The following TOP1 variants were observed in gnomAD, a reference collection of about 807,000 sequenced individuals.
The protein encoded by TOP1 is DNA topoisomerase 1.
Under a neutral mutation model 111.1 loss-of-function variants are expected in TOP1, and 10 were observed. The observed-to-expected ratio is 0.09, with a 90% confidence interval of 0.06 to 0.15. The LOEUF (loss-of-function observed/expected upper bound fraction) is 0.15. Ranked by LOEUF, TOP1 falls within the 10% of genes least tolerant of loss-of-function variation. The pLI is 1.00. For synonymous variants in TOP1, 271 were observed against 302.9 expected (o/e 0.89, Z 1.10); for missense variants, 474 against 926.7 (o/e 0.51, Z 6.34).
intron 2 of TOP1, among the ~76,000 whole-genome samples, chr20:41,053,556 A>G (rs532747408): frequency 1.3e-5 from 2 of 152,328 alleles, no homozygotes; most frequent in African/African-American, 4.8e-5. Context: ...AAATCTTGCT[A>G]TCATGTAAGA....
In TOP1 at chr20:41,032,908, T is replaced by C. The variant is rs2033138572; in HGVS notation, c.58+3453T>C. ...CATTTTTAAAACTGAAAAGTGATGGTACCGCCAAATGAAATCTGCAGCATC... is the reference window on the plus strand; with the variant it reads ...CATTTTTAAAACTGAAAAGTGATGGCACCGCCAAATGAAATCTGCAGCATC... On this transcript the variant is annotated intron_variant, in intron 2 of 20. Transcript: ENST00000361337. The surrounding 1 kb of genome is among the most constrained non-coding windows in gnomAD (Gnocchi z 4.3). Among the ~76,000 whole-genome samples, 1 of 152,202 alleles carries C rather than the reference T, an allele frequency of 6.6e-6. No individual in the cohort carries two copies.
At position 41,046,929 on chromosome 20, in the gene TOP1, G is replaced by A. The variant is rs1314274169; in HGVS notation, c.59-14465G>A. Reference sequence around the variant, plus strand: ...CATGTGACTCACTTAGTTTTGCAGAGTGAGGTAGATTTTAACCACTTTCAA... The same window carrying A: ...CATGTGACTCACTTAGTTTTGCAGAATGAGGTAGATTTTAACCACTTTCAA... On this transcript the variant is annotated intron_variant, in intron 2 of 20. Coordinates refer to ENST00000361337, the MANE Select transcript of TOP1 (RefSeq NM_003286.4). This position sits in a 1 kb window ranked among gnomAD's most constrained non-coding sequence, Gnocchi z 4.3. Among the ~76,000 whole-genome samples, 2 of 152,224 alleles carry A rather than the reference G, an allele frequency of 1.3e-5. No homozygotes were observed. Among genetic ancestry groups the A allele is most frequent in the Non-Finnish European group, 2.9e-5 (2 of 68,046 alleles).
rs1466502074 is a variant in TOP1, at chr20:41,095,675, GAGATA to G, written c.731-1540_731-1536del. Among the ~76,000 whole-genome samples, 2 of 152,196 alleles carry G rather than the reference GAGATA, an allele frequency of 1.3e-5. No homozygotes were observed. The highest frequency in any genetic ancestry group is 2.9e-5 in the Non-Finnish European group (2 of 68,028). On this transcript the variant is annotated intron_variant, in intron 9 of 20. Transcript: ENST00000361337. The surrounding 1 kb of genome is among the most constrained non-coding windows in gnomAD (Gnocchi z 4.6). ...GCAAAGTCAGATTGCATATCATTATGAGATAAGATGTCTTCTGAGTTTTGAAATAA... is the reference window on the plus strand; with the variant it reads ...GCAAAGTCAGATTGCATATCATTATGAGATGTCTTCTGAGTTTTGAAATAA...
Position 41,089,473 on chromosome 20 carries a change from G to T in TOP1, c.615-2999G>T, listed in dbSNP as rs190519357. Among the ~76,000 whole-genome samples the T allele has an allele frequency of 4.3e-3, 660 of 152,302 alleles. 4 individuals carry two copies. Among genetic ancestry groups the T allele is most frequent in the Non-Finnish European group, 8.3e-3 (563 of 68,026 alleles). ...CAGAATGTCAACGCTCGTCCATATT[G>T]TAGCATGTTTCAGAATTTTCTGACT... On this transcript the variant is annotated intron_variant, in intron 8 of 20. Transcript: ENST00000361337.
Position 41,114,622 on chromosome 20 carries a change from T to G in TOP1, c.1638+467T>G, listed in dbSNP as rs1420339169. 6.6e-6 allele frequency among the ~76,000 whole-genome samples: 1 copy of G among 152,190 alleles called. No homozygotes were observed. The highest frequency in any genetic ancestry group is 1.9e-4 in the East Asian group (1 of 5,196). On this transcript the variant is annotated intron_variant, in intron 15 of 20. Coordinates refer to ENST00000361337, the MANE Select transcript of TOP1 (RefSeq NM_003286.4). This position sits in a 1 kb window ranked among gnomAD's most constrained non-coding sequence, Gnocchi z 4.5. ...AAACTCAGCATATGATTTAACTATATCTTAGTATCCCCTGGTCATGTGGTA... is the reference window on the plus strand; with the variant it reads ...AAACTCAGCATATGATTTAACTATAGCTTAGTATCCCCTGGTCATGTGGTA...
Position 41,061,018 on chromosome 20 carries a change from T to TTTA in TOP1, c.59-376_59-375insTTA, listed in dbSNP as rs1291681188. 6.6e-6 allele frequency among the ~76,000 whole-genome samples: 1 copy of TTTA among 152,212 alleles called. No individual in the cohort carries two copies. The highest frequency in any genetic ancestry group is 1.5e-5 in the Non-Finnish European group (1 of 68,030). On this transcript the variant is annotated intron_variant, in intron 2 of 20. Coordinates refer to ENST00000361337, the MANE Select transcript of TOP1 (RefSeq NM_003286.4). The surrounding 1 kb of genome is among the most constrained non-coding windows in gnomAD (Gnocchi z 4.6). ...TCATTTAAAAACATCTGTTGAGGTT[T>TTTA]GGATTTTTCAGAAGTTATAACATCT...
In TOP1 at chr20:41,097,290, A is replaced by G; in HGVS notation, c.801A>G (p.Glu267=). The G allele has an allele frequency of 1.2e-6, 2 of 1,613,938 alleles. No individual in the cohort carries two copies. Among genetic ancestry groups the G allele is most frequent in the Non-Finnish European group, 1.7e-6 (2 of 1,179,900 alleles). ...ATFFAKMLDH[E]YTTKEIFRKN... ...TCTTTGCAAAAATGCTCGACCATGA[A>G]TATACTACCAAGGAAATATTTAGGA... The change falls in exon 10 of 21, where the codon GAA becomes GAG. Residue 267 remains glutamate, a synonymous_variant. Coordinates refer to ENST00000361337, the MANE Select transcript of TOP1 (RefSeq NM_003286.4). This position sits in a 1 kb window ranked among gnomAD's most constrained non-coding sequence, Gnocchi z 4.2.
At position 41,106,249 on chromosome 20, in the gene TOP1, CATCAGTAGCAT is replaced by C. The variant is rs1334316763; in HGVS notation, c.1308+4898_1308+4908del. 6.6e-6 allele frequency among the ~76,000 whole-genome samples: 1 copy of C among 152,184 alleles called. No homozygotes were observed. The highest frequency in any genetic ancestry group is 2.4e-5 in the African/African-American group (1 of 41,438). On this transcript the variant is annotated intron_variant, in intron 13 of 20. Coordinates refer to ENST00000361337, the MANE Select transcript of TOP1 (RefSeq NM_003286.4). The surrounding 1 kb of genome is among the most constrained non-coding windows in gnomAD (Gnocchi z 4.3). ...TAATTAGTTCGTGTATCTGTTTCTGCATCAGTAGCATACTGTCTTAACTACTGTAGCTTTAT... is the reference window on the plus strand; with the variant it reads ...TAATTAGTTCGTGTATCTGTTTCTGCACTGTCTTAACTACTGTAGCTTTAT...
At chr20:41,091,074 A>G (rs768387997) in intron 8 of TOP1, among the ~76,000 whole-genome samples, 142 of 152,352 alleles carry the variant, frequency 9.3e-4, no homozygotes, top group Non-Finnish European at 1.5e-3. Context: ...TCATTTGACC[A>G]TATATGTTGA....
rs1258387135 is a variant in TOP1, at chr20:41,124,080, C to T, written c.*783C>T. ...AATAATCAGTGACTGAAACCATTTT[C>T]CCATCATCCTTTGTTCTGAGCATTC... On this transcript the variant is annotated 3_prime_UTR_variant, in exon 21 of 21. Coordinates refer to ENST00000361337, the MANE Select transcript of TOP1 (RefSeq NM_003286.4). This position sits in a 1 kb window ranked among gnomAD's most constrained non-coding sequence, Gnocchi z 5.4. 1 of 232,998 alleles carries T rather than the reference C, an allele frequency of 4.3e-6. No individual in the cohort carries two copies. Among genetic ancestry groups the T allele is most frequent in the Non-Finnish European group, 8.5e-6 (1 of 117,814 alleles). 14.4% of individuals were successfully genotyped at this position (232,998 alleles called of 1,614,324 possible).
chr20:41,123,096 C>A lies in TOP1; in HGVS notation c.2196-99C>A. Reference sequence around the variant, plus strand: ...ACTATTAATTTGCATCCTCACTAGACAGATGTGAAAGAGAAGATGGAACAT... The same window carrying A: ...ACTATTAATTTGCATCCTCACTAGAAAGATGTGAAAGAGAAGATGGAACAT... On this transcript the variant is annotated intron_variant, in intron 20 of 20. Coordinates refer to ENST00000361337, the MANE Select transcript of TOP1 (RefSeq NM_003286.4). The surrounding 1 kb of genome is among the most constrained non-coding windows in gnomAD (Gnocchi z 5.8). 1.3e-6 allele frequency: 1 copy of A among 758,294 alleles called. No homozygotes were observed. The highest frequency in any genetic ancestry group is 1.6e-5 in the South Asian group (1 of 61,932). 47.0% of individuals were successfully genotyped at this position (758,294 alleles called of 1,614,324 possible). A position where few individuals can be genotyped will look rare whatever the true frequency, so the allele number is the denominator to read the frequency against.
In TOP1 at chr20:41,100,274, AAG is replaced by A. The variant is rs1491190538; in HGVS notation, c.1163+32_1163+33del. ...CTCGCACTTCATCCTATGGGCCAAA[AAG>A]GGGGTGGAGGGCGTCCTTTATTGTA... On this transcript the variant is annotated intron_variant, in intron 12 of 20. Transcript: ENST00000361337. The surrounding 1 kb of genome is among the most constrained non-coding windows in gnomAD (Gnocchi z 4.4). The A allele has an allele frequency of 1.4e-5, 22 of 1,585,894 alleles. No homozygotes were observed. In the African/African-American group the frequency reaches 2.0e-4, roughly 15 times the overall value.
chr20:41,099,699 G>C (rs913929141), intron 11 of TOP1, among the ~76,000 whole-genome samples: 2 of 152,172 alleles, frequency 1.3e-5, no homozygotes, highest in South Asian at 2.1e-4. Context: ...ATTCTTTTAT[G>C]AGGCTCTATC....
intron 2 of TOP1, among the ~76,000 whole-genome samples, chr20:41,037,689 C>T (rs2033206584): frequency 6.6e-6 from 1 of 152,146 alleles, no homozygotes; most frequent in African/African-American, 2.4e-5. Flanking sequence ...ATAAGTCTAG[C>T]TAATGCTGAA....
chr20:41,114,403 CA>C lies in TOP1; in HGVS notation c.1638+252del, dbSNP rs1195767457. Among the ~76,000 whole-genome samples the C allele has an allele frequency of 1.3e-5, 2 of 152,118 alleles. No individual in the cohort carries two copies. The highest frequency in any genetic ancestry group is 2.9e-5 in the Non-Finnish European group (2 of 68,024). On this transcript the variant is annotated intron_variant, in intron 15 of 20. Coordinates refer to ENST00000361337, the MANE Select transcript of TOP1 (RefSeq NM_003286.4). The surrounding 1 kb of genome is among the most constrained non-coding windows in gnomAD (Gnocchi z 4.5). ...AATAGCCACTGTACTCCAGCCTGGG[CA>C]AAATAGTGAGACCTTGCCTCTCATA...
At chr20:41,066,647 C>T (rs933144759) in intron 3 of TOP1, among the ~76,000 whole-genome samples, 28 of 150,832 alleles carry the variant, frequency 1.9e-4, no homozygotes, top group East Asian at 3.9e-4. Flanking sequence ...CTCCGCCTCC[C>T]GGGTTCATGC....
intron 3 of TOP1, among the ~76,000 whole-genome samples, chr20:41,064,625 C>A (rs1202937115): frequency 6.6e-6 from 1 of 152,118 alleles, no homozygotes; most frequent in Non-Finnish European, 1.5e-5. Flanking sequence ...TTTAAACATG[C>A]TGTTGGTTCT....
chr20:41,122,261 T>A lies in TOP1; in HGVS notation c.2195+106T>A. 1 of 1,220,920 alleles carries A rather than the reference T, an allele frequency of 8.2e-7. No individual in the cohort carries two copies. The highest frequency in any genetic ancestry group is 1.2e-6 in the Non-Finnish European group (1 of 856,626). The allele number at this position is 1,220,920 out of a possible 1,614,324, so 75.6% of individuals were successfully genotyped here. A position where few individuals can be genotyped will look rare whatever the true frequency, so the allele number is the denominator to read the frequency against. Reference sequence around the variant, plus strand: ...CATGCCATTCCTAAGCTACACACTTTAGTCCTCTGGGGAAACTTCTGGCTT... The same window carrying A: ...CATGCCATTCCTAAGCTACACACTTAAGTCCTCTGGGGAAACTTCTGGCTT... On this transcript the variant is annotated intron_variant, in intron 20 of 20. Transcript: ENST00000361337. This position sits in a 1 kb window ranked among gnomAD's most constrained non-coding sequence, Gnocchi z 5.4.
In TOP1 at chr20:41,080,846, TTTA is replaced by T. The variant is rs2033780499; in HGVS notation, c.432-316_432-314del. Reference sequence around the variant, plus strand: ...GGTTCCCAAACTTTCATCTTTTATTTTTATTTATTTTATTTTATTTTTTTTCCC... The same window carrying T: ...GGTTCCCAAACTTTCATCTTTTATTTTTTATTTTATTTTATTTTTTTTCCC... On this transcript the variant is annotated intron_variant, in intron 6 of 20. Transcript: ENST00000361337. The surrounding 1 kb of genome is among the most constrained non-coding windows in gnomAD (Gnocchi z 5.0). Among the ~76,000 whole-genome samples the T allele has an allele frequency of 6.6e-6, 1 of 152,138 alleles. No homozygotes were observed. The highest frequency in any genetic ancestry group is 1.5e-5 in the Non-Finnish European group (1 of 68,038).
Sources: allele counts gnomAD v4.1 joint callset (sites outside exome capture counted in the v4.1 genomes callset), GRCh38; gene constraint gnomAD v4.1.1; non-coding constraint Gnocchi (gnomAD v3.1); transcripts MANE v1.5; gene names NCBI Gene and HGNC (gene_info 2026-07-23, HGNC 2026-07-21).